Variants in ZNF532 observed in about 807,000 individuals in gnomAD.
The protein encoded by ZNF532 is zinc finger protein 532.
A neutral mutation model predicts 89.3 loss-of-function variants in ZNF532; 22 were observed. That is an observed-to-expected ratio of 0.25 (90% confidence interval 0.18 to 0.35). The LOEUF (loss-of-function observed/expected upper bound fraction) is 0.35. Ranked by LOEUF, ZNF532 falls within the 10% of genes least tolerant of loss-of-function variation. The pLI, the probability that ZNF532 is intolerant of heterozygous loss-of-function variation, is 1.00. For synonymous variants in ZNF532, 606 were observed against 649.6 expected (o/e 0.93, Z 1.02); for missense variants, 1,132 against 1,643.4 (o/e 0.69, Z 5.38).
chr18:58,882,583 A>G (rs1186779042), intron 2 of ZNF532, among the ~76,000 whole-genome samples: 1 of 152,192 alleles, frequency 6.6e-6, no homozygotes, highest in African/African-American at 2.4e-5. Flanking sequence ...CTGAGACTGC[A>G]GGTGTGCAAC....
intron 7 of ZNF532, among the ~76,000 whole-genome samples, chr18:58,976,447 G>A (rs763954628): frequency 2.6e-5 from 4 of 152,094 alleles, no homozygotes; most frequent in African/African-American, 4.8e-5. Context: ...TTTCTGTGGG[G>A]TCTCTTGTCC....
chr18:58,954,902 A>G (rs1195008454), intron 7 of ZNF532, among the ~76,000 whole-genome samples: 1 of 151,960 alleles, frequency 6.6e-6, no homozygotes, highest in Non-Finnish European at 1.5e-5. Flanking sequence ...TTTAGTAAAG[A>G]TGGGATTTTA....
At chr18:58,868,109 T>C (rs1167196545) in intron 2 of ZNF532, among the ~76,000 whole-genome samples, 1 of 152,214 alleles carries the variant, frequency 6.6e-6, no homozygotes, top group Non-Finnish European at 1.5e-5. Flanking sequence ...TGAACAACCT[T>C]TACCGTATCC....
chr18:58,979,414 G>T lies in ZNF532; in HGVS notation c.3263+247G>T, dbSNP rs113855595. On this transcript the variant is annotated intron_variant, in intron 8 of 9. Transcript: ENST00000591808. ...TGTGTTTTTTTTTTCCCGAGACGGA[G>T]TCTCACTCTGTTGCCCAGGCTGGAG... 5.1e-3 allele frequency: 1,153 copies of T among 228,268 alleles called. 13 individuals carry two copies. Among genetic ancestry groups the T allele is most frequent in the African/African-American group, 0.024 (1,076 of 44,622 alleles). 14.1% of individuals were successfully genotyped at this position (228,268 alleles called of 1,614,324 possible).
At chr18:58,953,822 T>C in intron 7 of ZNF532, 23 bp downstream of exon 7, 2 of 1,603,092 alleles carry the variant, frequency 1.2e-6, no homozygotes, top group Middle Eastern at 1.7e-4. Flanking sequence ...TGAAAGCTGC[T>C]CTGGGTGAGT....
chr18:58,911,250 G>A (rs1324474581), intron 2 of ZNF532, among the ~76,000 whole-genome samples: 1 of 152,246 alleles, frequency 6.6e-6, no homozygotes, highest in Non-Finnish European at 1.5e-5. Flanking sequence ...ACCCAAAATA[G>A]AAGGGACAGA....
At chr18:58,894,288 A>T (rs1275158632) in intron 2 of ZNF532, among the ~76,000 whole-genome samples, 1 of 152,028 alleles carries the variant, frequency 6.6e-6, no homozygotes, top group Non-Finnish European at 1.5e-5. Context: ...AACATGGTGA[A>T]ACCCCATCTC....
Position 58,920,254 on chromosome 18 carries a change from A to G in ZNF532, c.1967A>G (p.Tyr656Cys), listed in dbSNP as rs1407771316. Reference sequence around the variant, plus strand: ...CATTGTACAAAGAACCTCGTTTTTTACAACAAATGCAGCCTCCTTTCCCAT... The same window carrying G: ...CATTGTACAAAGAACCTCGTTTTTTGCAACAAATGCAGCCTCCTTTCCCAT... Reference protein sequence around the residue: ...CNHCTKNLVFYNKCSLLSHAR... With the variant: ...CNHCTKNLVFCNKCSLLSHAR... Residue 656 changes from tyrosine (Y) to cysteine (C), a missense_variant, in exon 3 of 10, where the codon TAC (tyrosine) becomes TGC (cysteine). Tyr to Cys is a radical substitution (Grantham distance 194). Around this residue, in one of 9 missense-constraint regions of ZNF532, gnomAD observed 70 missense variants for 152.1 expected, o/e 0.46. Transcript: ENST00000591808. 6.2e-7 allele frequency: 1 copy of G among 1,614,000 alleles called. No homozygotes were observed. Among genetic ancestry groups the G allele is most frequent in the Non-Finnish European group, 8.5e-7 (1 of 1,179,864 alleles).
At chr18:58,973,902 G>A (rs2066745420) in intron 7 of ZNF532, among the ~76,000 whole-genome samples, 1 of 152,200 alleles carries the variant, frequency 6.6e-6, no homozygotes, top group East Asian at 1.9e-4. Flanking sequence ...CACGTGTACT[G>A]TATGGCTCCA....
intron 2 of ZNF532, among the ~76,000 whole-genome samples, chr18:58,904,317 A>G (rs970536416): frequency 1.3e-4 from 20 of 151,988 alleles, no homozygotes; most frequent in Non-Finnish European, 2.5e-4. Flanking sequence ...ACGCCACTGC[A>G]TGCCAGCCTA....
At chr18:58,900,971 G>A (rs1163626697) in intron 2 of ZNF532, among the ~76,000 whole-genome samples, 1 of 152,060 alleles carries the variant, frequency 6.6e-6, no homozygotes, top group Non-Finnish European at 1.5e-5. Context: ...ATCTTTGTAG[G>A]GTTTCAGGAG....
chr18:58,940,958 A>ACACTCTCT (rs1209329621), intron 5 of ZNF532, among the ~76,000 whole-genome samples: 1 of 131,706 alleles, frequency 7.6e-6, no homozygotes, highest in African/African-American at 2.8e-5. Flanking sequence ...ACACACACAC[A>ACACTCTCT]CTCTTTCTCT....
intron 4 of ZNF532, among the ~76,000 whole-genome samples, chr18:58,938,263 CTT>C (rs2062640678): frequency 6.6e-6 from 1 of 152,154 alleles, no homozygotes; most frequent in Admixed American, 6.5e-5. Flanking sequence ...TTTCTGGAGA[CTT>C]TTGTACCTGC....
chr18:58,871,904 G>A (rs2057015549), intron 2 of ZNF532, among the ~76,000 whole-genome samples: 1 of 152,240 alleles, frequency 6.6e-6, no homozygotes, highest in Admixed American at 6.5e-5. Context: ...TTTGTTTTAT[G>A]TATTCTTTGA....
At chr18:58,868,286 A>C (rs1398987644) in intron 2 of ZNF532, among the ~76,000 whole-genome samples, 39 of 152,370 alleles carry the variant, frequency 2.6e-4, no homozygotes, top group Non-Finnish European at 7.3e-5. Context: ...ATTTTATTTT[A>C]GGGCTGATCT....
At chr18:58,868,975 G>A (rs1444235992) in intron 2 of ZNF532, among the ~76,000 whole-genome samples, 2 of 152,150 alleles carry the variant, frequency 1.3e-5, no homozygotes, top group East Asian at 1.9e-4. Flanking sequence ...AACCTATACA[G>A]CATCTTACTG....
intron 2 of ZNF532, among the ~76,000 whole-genome samples, chr18:58,906,297 T>A (rs2059932038): frequency 1.3e-5 from 2 of 152,348 alleles, no homozygotes; most frequent in African/African-American, 4.8e-5. Flanking sequence ...TTTATATCAG[T>A]ATGCATTCAT....
chr18:58,934,807 G>A (rs574590815), intron 4 of ZNF532, among the ~76,000 whole-genome samples, 193 bp downstream of exon 4: 3 of 152,020 alleles, frequency 2.0e-5, no homozygotes, highest in Non-Finnish European at 1.5e-5. Context: ...CTGCTGGTCC[G>A]CACAAAGTGG....
intron 2 of ZNF532, among the ~76,000 whole-genome samples, chr18:58,868,780 ATTTC>A (rs2144504822): frequency 6.6e-6 from 1 of 152,272 alleles, no homozygotes; most frequent in South Asian, 2.1e-4. Flanking sequence ...ATAAGTTTTT[ATTTC>A]TTTTTGCTAA....
Sources: gnomAD v4.1 joint callset for allele counts (sites outside exome capture counted in the v4.1 genomes callset) on GRCh38, gnomAD v4.1.1 for gene constraint, gnomAD v4.1.1 regional missense constraint, MANE v1.5 for transcripts, NCBI Gene and HGNC (gene_info 2026-07-23, HGNC 2026-07-21) for gene names.